CFAP299: variants seen among roughly 807,000 people sequenced by gnomAD.
CFAP299 encodes cilia and flagella associated protein 299.
Under a neutral mutation model 27.0 loss-of-function variants are expected in CFAP299, and 21 were observed. The ratio of observed to expected loss-of-function variants is 0.78; its 90% CI spans 0.55 to 1.12. The LOEUF (loss-of-function observed/expected upper bound fraction) is 1.12. Among genes scored for constraint, CFAP299 ranks in the 50% most tolerant of loss-of-function variants. The pLI is 0.00. For synonymous variants in CFAP299, 104 were observed against 98.1 expected (o/e 1.06, Z -0.36); for missense variants, 310 against 276.6 (o/e 1.12, Z -0.86).
chr4:80,533,337 T>G (rs761544201), intron 2 of CFAP299, among the ~76,000 whole-genome samples: 4 of 152,240 alleles, frequency 2.6e-5, no homozygotes, highest in African/African-American at 2.4e-5. Flanking sequence ...AAAAGTTGAA[T>G]GAATGTTGTT....
chr4:80,861,859 T>G (rs1284720805), intron 3 of CFAP299, among the ~76,000 whole-genome samples: 2 of 152,178 alleles, frequency 1.3e-5, no homozygotes, highest in Non-Finnish European at 2.9e-5. Flanking sequence ...TTGGATCAAC[T>G]TATTGAACTG....
At chr4:80,747,362 C>T (rs528375755) in intron 3 of CFAP299, among the ~76,000 whole-genome samples, 1 of 152,140 alleles carries the variant, frequency 6.6e-6, no homozygotes, top group East Asian at 1.9e-4. Context: ...CTATTATGGA[C>T]ACACTATCAC....
intron 3 of CFAP299, chr4:80,648,888 T>C (rs1322882008): frequency 6.6e-6 from 1 of 152,234 alleles, no homozygotes; most frequent in East Asian, 1.9e-4. Context: ...TGTTTCAAAT[T>C]CTCTATTTTA....
At chr4:80,616,579 T>G (rs1444081039) in intron 3 of CFAP299, among the ~76,000 whole-genome samples, 1 of 152,010 alleles carries the variant, frequency 6.6e-6, no homozygotes, top group African/African-American at 2.4e-5. Context: ...GTAGCTAAGT[T>G]GGGGCAGCCA....
At chr4:80,462,698 C>T (rs192948724) in intron 2 of CFAP299, among the ~76,000 whole-genome samples, 5 of 152,242 alleles carry the variant, frequency 3.3e-5, no homozygotes, top group African/African-American at 1.2e-4. Context: ...AACCTCTGCC[C>T]AGCTTCAGAT....
At chr4:80,463,583 G>A (rs1294037018) in intron 2 of CFAP299, among the ~76,000 whole-genome samples, 3 of 152,088 alleles carry the variant, frequency 2.0e-5, no homozygotes, top group Admixed American at 6.5e-5. Flanking sequence ...TGCAGTTAGG[G>A]TTCGTTTTTG....
At chr4:80,819,504 G>A (rs1014241177) in intron 3 of CFAP299, among the ~76,000 whole-genome samples, 2 of 152,066 alleles carry the variant, frequency 1.3e-5, no homozygotes, top group Non-Finnish European at 2.9e-5. Context: ...AATAAGCCAG[G>A]TAAGTGGTCA....
chr4:80,932,047 G>A (rs1736652268), intron 4 of CFAP299, among the ~76,000 whole-genome samples: 1 of 152,008 alleles, frequency 6.6e-6, no homozygotes, highest in Non-Finnish European at 1.5e-5. Context: ...TCTGACATAT[G>A]GTAGTAATTA....
chr4:80,425,050 C>T (rs1263110949), intron 2 of CFAP299, among the ~76,000 whole-genome samples: 2 of 152,002 alleles, frequency 1.3e-5, no homozygotes, highest in Non-Finnish European at 2.9e-5. Flanking sequence ...AATTTACAAG[C>T]CCTCTAAGAC....
chr4:80,585,727 G>A (rs959377134), intron 3 of CFAP299, among the ~76,000 whole-genome samples: 1 of 152,134 alleles, frequency 6.6e-6, no homozygotes, highest in African/African-American at 2.4e-5. Context: ...GGGGATAAGT[G>A]TGTCTCCATA....
chr4:80,804,666 A>G (rs1728774218), intron 3 of CFAP299, among the ~76,000 whole-genome samples: 1 of 152,076 alleles, frequency 6.6e-6, no homozygotes, highest in Non-Finnish European at 1.5e-5. Context: ...TTTAAAGTCT[A>G]TTTTGTGTGA....
At chr4:80,356,010 T>G (rs779133423) in intron 1 of CFAP299, among the ~76,000 whole-genome samples, 1 of 152,192 alleles carries the variant, frequency 6.6e-6, no homozygotes, top group Non-Finnish European at 1.5e-5. Flanking sequence ...AATTAATTTT[T>G]GTGTATGGTG....
intron 2 of CFAP299, among the ~76,000 whole-genome samples, chr4:80,495,345 T>C (rs1245350360): frequency 6.6e-6 from 1 of 152,168 alleles, no homozygotes; most frequent in Non-Finnish European, 1.5e-5. Context: ...TAGGAAATCA[T>C]ATAAAGAAAC....
intron 2 of CFAP299, chr4:80,388,823 T>G (rs951125697): frequency 2.6e-6 from 1 of 392,038 alleles, no homozygotes; most frequent in Non-Finnish European, 4.5e-6. Context: ...ATTTCTTCTC[T>G]TCCAATCATA....
At chr4:80,921,004 A>C (rs1736014852) in intron 4 of CFAP299, among the ~76,000 whole-genome samples, 1 of 152,066 alleles carries the variant, frequency 6.6e-6, no homozygotes, top group Admixed American at 6.6e-5. Flanking sequence ...TATTTGCTAA[A>C]TGCATGTTTG....
intron 3 of CFAP299, among the ~76,000 whole-genome samples, chr4:80,707,484 A>G (rs1038209008): frequency 3.3e-5 from 5 of 151,996 alleles, no homozygotes; most frequent in African/African-American, 1.2e-4. Flanking sequence ...TGCTCTCATT[A>G]CTGCTCAATA....
At chr4:80,372,116 C>T (rs1383937705) in intron 2 of CFAP299, among the ~76,000 whole-genome samples, 1 of 152,126 alleles carries the variant, frequency 6.6e-6, no homozygotes, top group Non-Finnish European at 1.5e-5. Flanking sequence ...TCTAGAGAGA[C>T]CTCAGGAAAC....
chr4:80,483,288 C>T (rs1210711432), intron 2 of CFAP299, among the ~76,000 whole-genome samples: 1 of 152,144 alleles, frequency 6.6e-6, no homozygotes, highest in Non-Finnish European at 1.5e-5. Flanking sequence ...ACCTGTAGAA[C>T]TATAAGATAA....
intron 4 of CFAP299, among the ~76,000 whole-genome samples, chr4:80,943,228 A>G (rs1438461444): frequency 6.6e-6 from 1 of 152,208 alleles, no homozygotes; most frequent in East Asian, 1.9e-4. Flanking sequence ...TGTCCTGGCC[A>G]TAGAAAAGGT....
Sources: gnomAD v4.1 joint callset for allele counts (sites outside exome capture counted in the v4.1 genomes callset) on GRCh38, gnomAD v4.1.1 for gene constraint, MANE v1.5 for transcripts, NCBI Gene and HGNC (gene_info 2026-07-23, HGNC 2026-07-21) for gene names.